The following MARCHF1 variants were observed in gnomAD, a reference collection of about 807,000 sequenced individuals.
MARCHF1 encodes the protein membrane associated ring-CH-type finger 1, also known as E3 ubiquitin-protein ligase MARCHF1.
Under a neutral mutation model 54.2 loss-of-function variants are expected in MARCHF1, and 40 were observed. The observed-to-expected ratio is 0.74, with a 90% CI of 0.57 to 0.96. The LOEUF is 0.96. Among genes scored for constraint, MARCHF1 ranks in the 40% least tolerant of loss-of-function variants. MARCHF1 has a pLI of 0.00. For missense variants in MARCHF1, 586 were observed against 656.5 expected, an observed-to-expected ratio of 0.89 and a Z score of 1.17; for synonymous variants, 236 against 236.3, an observed-to-expected ratio of 1.00 and a Z score of 0.01.
chr4:163,618,192 A>G (rs6536743), intron 5 of MARCHF1, among the ~76,000 whole-genome samples: 140,799 of 152,268 alleles, frequency 0.92, 65,210 homozygotes, highest in African/African-American at 0.98. Flanking sequence ...CATAGCAGAT[A>G]CTGTGCCTGA....
At chr4:163,710,103 C>G (rs1403468418) in intron 4 of MARCHF1, among the ~76,000 whole-genome samples, 2 of 152,102 alleles carry the variant, frequency 1.3e-5, no homozygotes, top group East Asian at 1.9e-4. Flanking sequence ...ATCTCTTTAT[C>G]TAACTTCAGG....
At chr4:164,223,167 G>C (rs1027793130) in intron 1 of MARCHF1, among the ~76,000 whole-genome samples, 1 of 151,984 alleles carries the variant, frequency 6.6e-6, no homozygotes, top group Non-Finnish European at 1.5e-5. Flanking sequence ...TTCAAGGTGA[G>C]ATTTGGGTAG....
intron 4 of MARCHF1, among the ~76,000 whole-genome samples, chr4:163,721,602 T>C (rs545790086): frequency 2.8e-3 from 424 of 152,300 alleles, no homozygotes; most frequent in South Asian, 5.8e-3. Flanking sequence ...TCAGAAGGAA[T>C]GGTACCAGCT....
chr4:164,011,768 GA>G (rs1224505657), intron 2 of MARCHF1, among the ~76,000 whole-genome samples: 1 of 152,198 alleles, frequency 6.6e-6, no homozygotes, highest in East Asian at 1.9e-4. Context: ...AAAGTCATGT[GA>G]GGTATCACAG....
chr4:163,925,811 A>G (rs1217625742), intron 3 of MARCHF1, among the ~76,000 whole-genome samples: 1 of 151,684 alleles, frequency 6.6e-6, no homozygotes, highest in African/African-American at 2.4e-5. Flanking sequence ...TTACTCTTAA[A>G]ATATGTGGAC....
At chr4:163,848,641 G>T (rs1034781458) in intron 4 of MARCHF1, among the ~76,000 whole-genome samples, 1 of 152,048 alleles carries the variant, frequency 6.6e-6, no homozygotes, top group Non-Finnish European at 1.5e-5. Flanking sequence ...TGTTTTTAAT[G>T]AGTAAAATTG....
intron 4 of MARCHF1, among the ~76,000 whole-genome samples, chr4:163,704,479 T>C (rs143664132): frequency 1.6e-3 from 245 of 151,912 alleles, no homozygotes; most frequent in Middle Eastern, 0.01. Flanking sequence ...ATGAAACATT[T>C]AAAAATTATT....
chr4:164,281,182 G>A (rs1734016876), intron 1 of MARCHF1, among the ~76,000 whole-genome samples: 1 of 152,108 alleles, frequency 6.6e-6, no homozygotes, highest in Non-Finnish European at 1.5e-5. Flanking sequence ...AGAATAGTGT[G>A]ATCATTCAAG....
intron 3 of MARCHF1, among the ~76,000 whole-genome samples, chr4:163,983,126 T>C (rs1273808090): frequency 6.6e-6 from 1 of 152,200 alleles, no homozygotes; most frequent in Non-Finnish European, 1.5e-5. Context: ...AGGCCTATCC[T>C]GCCTGAGACA....
intron 1 of MARCHF1, chr4:164,189,997 T>C: frequency 6.8e-7 from 1 of 1,463,286 alleles, no homozygotes; most frequent in Non-Finnish European, 9.6e-7. Flanking sequence ...AAAAGGATGG[T>C]TAATGATGCT....
intron 2 of MARCHF1, among the ~76,000 whole-genome samples, chr4:164,085,205 C>A (rs1755170491): frequency 6.6e-6 from 1 of 151,748 alleles, no homozygotes; most frequent in Non-Finnish European, 1.5e-5. Flanking sequence ...TGAATTACAG[C>A]AAAATTCATA....
intron 5 of MARCHF1, among the ~76,000 whole-genome samples, chr4:163,677,508 G>A (rs1238929062): frequency 2.0e-5 from 3 of 152,128 alleles, no homozygotes; most frequent in African/African-American, 7.2e-5. Context: ...TAGTGCTTTT[G>A]TAAGCAATAA....
intron 2 of MARCHF1, among the ~76,000 whole-genome samples, chr4:164,054,433 C>T (rs1006988462): frequency 6.6e-6 from 1 of 151,688 alleles, no homozygotes; most frequent in African/African-American, 2.4e-5. Context: ...GGGTATATAC[C>T]CAAAGGACTA....
At chr4:164,312,742 A>AATATATATAT (rs148863385) in intron 1 of MARCHF1, among the ~76,000 whole-genome samples, 1 of 151,812 alleles carries the variant, frequency 6.6e-6, no homozygotes, top group South Asian at 2.1e-4. Flanking sequence ...TGTGGAAGGA[A>AATATATATAT]ATATATATAT....
At chr4:163,852,757 C>G (rs1749675607) in intron 4 of MARCHF1, among the ~76,000 whole-genome samples, 2 of 152,268 alleles carry the variant, frequency 1.3e-5, no homozygotes, top group African/African-American at 4.8e-5. Flanking sequence ...AATATCAACT[C>G]ACTAAGGTTA....
intron 3 of MARCHF1, among the ~76,000 whole-genome samples, chr4:163,923,502 G>A (rs140849557): frequency 2.2e-4 from 33 of 152,146 alleles, no homozygotes; most frequent in African/African-American, 7.7e-4. Context: ...AATTGCCCAA[G>A]CTGAGCATTA....
At chr4:164,010,127 C>T (rs371268580) in intron 2 of MARCHF1, among the ~76,000 whole-genome samples, 10 of 144,776 alleles carry the variant, frequency 6.9e-5, no homozygotes, top group South Asian at 4.3e-4. Flanking sequence ...ACTGCAGTGG[C>T]GCAATCTCGG....
chr4:163,828,014 TACACACAC>T (rs748460236), intron 4 of MARCHF1, among the ~76,000 whole-genome samples: 1,856 of 124,552 alleles, frequency 0.015, 27 homozygotes, highest in African/African-American at 0.034. Context: ...TGCGCAGGCA[TACACACAC>T]ACACACACAC....
chr4:164,106,761 T>C (rs1248133905), intron 2 of MARCHF1, among the ~76,000 whole-genome samples: 1 of 62,876 alleles, frequency 1.6e-5, no homozygotes, highest in Admixed American at 1.3e-4. Context: ...AAACTTGAAG[T>C]ATAATAAAAA....
Sources: gnomAD v4.1 joint callset for allele counts (sites outside exome capture counted in the v4.1 genomes callset) on GRCh38, gnomAD v4.1.1 for gene constraint, MANE v1.5 for transcripts, NCBI Gene and HGNC (gene_info 2026-07-23, HGNC 2026-07-21) for gene names.